FZD8: variants seen among roughly 807,000 people sequenced by gnomAD.
The protein encoded by FZD8 is frizzled class receptor 8.
FZD8 carries 18 observed loss-of-function variants against 46.0 expected under a neutral mutation model. That is an observed-to-expected ratio of 0.39 (90% CI 0.27 to 0.58). The LOEUF (loss-of-function observed/expected upper bound fraction) is 0.58. Ranked by LOEUF, FZD8 falls within the 20% of genes least tolerant of loss-of-function variation. FZD8 has a pLI of 0.55. For synonymous variants in FZD8, 586 were observed against 467.9 expected (o/e 1.25, Z -3.26); for missense variants, 785 against 983.4 (o/e 0.80, Z 2.70).
In FZD8 at chr10:35,641,714, GC is replaced by G. The variant is rs1835868058; in HGVS notation, c.-286del. On this transcript the variant is annotated 5_prime_UTR_variant, in exon 1 of 1. Coordinates refer to ENST00000374694, the MANE Select transcript of FZD8 (RefSeq NM_031866.3). The surrounding 1 kb of genome is among the most constrained non-coding windows in gnomAD (Gnocchi z 6.3). ...CACAGTCCGTAGGTCCGCTCTGCTG[GC>G]CCCGGGTCGCGCTCAGCCCTCGCGG... 2 of 310,838 alleles carry G rather than the reference GC, an allele frequency of 6.4e-6. No individual in the cohort carries two copies. Among genetic ancestry groups the G allele is most frequent in the East Asian group, 1.2e-4 (2 of 16,708 alleles). 19.3% of individuals were successfully genotyped at this position (310,838 alleles called of 1,614,324 possible). A position where few individuals can be genotyped will look rare whatever the true frequency, so the allele number is the denominator to read the frequency against.
In FZD8 at chr10:35,641,252, C is replaced by G. The variant is rs934368593; in HGVS notation, c.178G>C (p.Asp60His). The G allele has an allele frequency of 1.9e-6, 3 of 1,614,044 alleles. No individual in the cohort carries two copies. The highest frequency in any genetic ancestry group is 2.5e-6 in the Non-Finnish European group (3 of 1,179,954). The change falls in exon 1 of 1, where the codon GAC becomes CAC. Residue 60 changes from aspartate (D) to histidine (H), a missense_variant. By Grantham distance (81) the Asp-to-His change is moderately conservative (BLOSUM62 -1). This residue lies in a region of FZD8 where 354 missense variants were observed against 433.2 expected (regional missense o/e 0.82). Transcript: ENST00000374694. This position sits in a 1 kb window ranked among gnomAD's most constrained non-coding sequence, Gnocchi z 6.3. The part of the protein sequence containing the change: ...YTYMPNQFNH[D>H]TQDEAGLEVH... ...TCCAGGCCCGCCTCGTCTTGCGTGT[C>G]GTGGTTGAACTGATTGGGCATGTAG...
In FZD8 at chr10:35,639,600, C is replaced by T. The variant is rs767622906; in HGVS notation, c.1830G>A (p.Leu610=). 40 of 1,597,378 alleles carry T rather than the reference C, an allele frequency of 2.5e-5. No homozygotes were observed. The highest frequency in any genetic ancestry group is 3.3e-5 in the Non-Finnish European group (39 of 1,179,412). Residue 610 remains leucine (L), a synonymous_variant, in exon 1 of 1, where the codon CTG becomes CTA. Coordinates refer to ENST00000374694, the MANE Select transcript of FZD8 (RefSeq NM_031866.3). ...GGGTGCACAGGGAGCGCCAGGACTC[C>T]AGCGTCTTGCCGGACCAGACCCACA... is the stretch of plus-strand genomic sequence containing the variant. ...SGVWVWSGKT[L]ESWRSLCTRC...
rs773901621 is a variant in FZD8 at position 35,640,300 on chromosome 10, T to TCGTACTCGC, written c.1121_1129dup (p.Gly374_Tyr376dup). The TCGTACTCGC allele has an allele frequency of 6.6e-7, 1 of 1,508,488 alleles. No individual in the cohort carries two copies. 93.4% of individuals were successfully genotyped at this position (1,508,488 alleles called of 1,614,324 possible). A position where few individuals can be genotyped will look rare whatever the true frequency, so the allele number is the denominator to read the frequency against. ...GTGCTGCTCCACCGCGCCCAGCTCC[T>TCGTACTCGC]CGTACTCGCCGCGCCCGCCCGGGCC... On this transcript the variant is annotated inframe_insertion, in exon 1 of 1. Transcript: ENST00000374694.
In FZD8 at chr10:35,640,555, G is replaced by C; in HGVS notation, c.875C>G (p.Thr292Ser). 6.3e-7 allele frequency: 1 copy of C among 1,587,298 alleles called. No homozygotes were observed. The highest frequency in any genetic ancestry group is 8.6e-7 in the Non-Finnish European group (1 of 1,164,594). ...GLWSVLCFVS[T>S]FATVSTFLID... ...AAGGAAGGTGGAGACGGTGGCGAAGGTGGACACGAAGCAGAGCACCGACCA... is the reference window on the plus strand; with the variant it reads ...AAGGAAGGTGGAGACGGTGGCGAAGCTGGACACGAAGCAGAGCACCGACCA... Residue 292 changes from threonine (T) to serine (S), a missense_variant, in exon 1 of 1, where the codon ACC (threonine) becomes AGC (serine). Transcript: ENST00000374694.
rs1200750673 is a variant in FZD8, at chr10:35,638,425, A to G, written c.*920T>C. The G allele has an allele frequency of 1.3e-5, 2 of 152,616 alleles. No homozygotes were observed. Among genetic ancestry groups the G allele is most frequent in the Non-Finnish European group, 2.9e-5 (2 of 68,022 alleles). The allele number at this position is 152,616 out of a possible 1,614,324, so 9.5% of individuals were successfully genotyped here. A position where few individuals can be genotyped will look rare whatever the true frequency, so the allele number is the denominator to read the frequency against. ...GGGAAGGTGCAAAAACTCAATTTTG[A>G]TTTCAGTTCAACAATGATATTTACT... On this transcript the variant is annotated 3_prime_UTR_variant, in exon 1 of 1. Coordinates refer to ENST00000374694, the MANE Select transcript of FZD8 (RefSeq NM_031866.3).
chr10:35,639,966 C>A lies in FZD8; in HGVS notation c.1464G>T (p.Pro488=). ...TGCCGATGAAGAGGTAGATGACCAG[C>A]GGCGCCAGCACGAAGCCGCGCAGGT... ...LDNLRGFVLA[P]LVIYLFIGTM... The change falls in exon 1 of 1, where the codon CCG becomes CCT. Residue 488 remains proline (P), a synonymous_variant. Transcript: ENST00000374694. 1 of 1,612,902 alleles carries A rather than the reference C, an allele frequency of 6.2e-7. No individual in the cohort carries two copies. The highest frequency in any genetic ancestry group is 2.2e-5 in the East Asian group (1 of 44,836).
Position 35,639,183 on chromosome 10 carries a change from A to T in FZD8, c.*162T>A. On this transcript the variant is annotated 3_prime_UTR_variant, in exon 1 of 1. Transcript: ENST00000374694. Reference sequence around the variant, plus strand: ...CCAGGTACTTTGTTCTAAGTGAGTCATTTAAGTCCCAGCTAATGGATACCA... The same window carrying T: ...CCAGGTACTTTGTTCTAAGTGAGTCTTTTAAGTCCCAGCTAATGGATACCA... 4.3e-6 allele frequency: 1 copy of T among 233,266 alleles called. No homozygotes were observed. The highest frequency in any genetic ancestry group is 8.4e-6 in the Non-Finnish European group (1 of 118,348). 14.4% of individuals were successfully genotyped at this position (233,266 alleles called of 1,614,324 possible).
chr10:35,641,037 G>A lies in FZD8; in HGVS notation c.393C>T (p.Asp131=). The change falls in exon 1 of 1, where the codon GAC becomes GAT. Residue 131 remains aspartate, a synonymous_variant. Transcript: ENST00000374694. This position sits in a 1 kb window ranked among gnomAD's most constrained non-coding sequence, Gnocchi z 6.3. The part of the protein sequence containing the change: ...LMRQYGFAWP[D]RMRCDRLPEQ... The stretch of plus-strand genomic sequence containing the variant: ...CGGGCAGCCGGTCGCAGCGCATGCG[G>A]TCGGGCCAGGCGAAGCCGTACTGGC... 1 of 1,608,876 alleles carries A rather than the reference G, an allele frequency of 6.2e-7. No homozygotes were observed. Among genetic ancestry groups the A allele is most frequent in the African/African-American group, 1.3e-5 (1 of 74,982 alleles).
Position 35,640,788 on chromosome 10 carries a change from ACCGCCGCCG to A in FZD8, c.633_641del (p.Gly214_Gly216del). ...CGCCAGGGGGCCGCGCCTTCCCGCC[ACCGCCGCCG>A]CCGCGAGCTGGGGGCGCCGCCGCGT... On this transcript the variant is annotated inframe_deletion, in exon 1 of 1. Transcript: ENST00000374694. 5 of 1,121,490 alleles carry A rather than the reference ACCGCCGCCG, an allele frequency of 4.5e-6. No individual in the cohort carries two copies. Among genetic ancestry groups the A allele is most frequent in the Non-Finnish European group, 5.4e-6 (5 of 918,010 alleles). 69.5% of individuals were successfully genotyped at this position (1,121,490 alleles called of 1,614,324 possible). A position where few individuals can be genotyped will look rare whatever the true frequency, so the allele number is the denominator to read the frequency against.
In FZD8 at chr10:35,639,489, G is replaced by A. The variant is rs914687259; in HGVS notation, c.1941C>T (p.Gly647=). The A allele has an allele frequency of 4.6e-5, 43 of 943,108 alleles. No homozygotes were observed. Among genetic ancestry groups the A allele is most frequent in the Admixed American group, 6.4e-5 (1 of 15,512 alleles). 58.4% of individuals were successfully genotyped at this position (943,108 alleles called of 1,614,324 possible). A position where few individuals can be genotyped will look rare whatever the true frequency, so the allele number is the denominator to read the frequency against. Residue 647 remains glycine (G), a synonymous_variant, in exon 1 of 1, where the codon GGC becomes GGT. Coordinates refer to ENST00000374694, the MANE Select transcript of FZD8 (RefSeq NM_031866.3). ...AAGGGGGPGG[G]GGGGPGGGGG... is the part of the protein sequence containing the mutation. ...CGCCGCCGCCGGGTCCCCCGCCGCCGCCGCCCCCCGGCCCGCCGCCACCCC... is the reference window on the plus strand; with the variant it reads ...CGCCGCCGCCGGGTCCCCCGCCGCCACCGCCCCCCGGCCCGCCGCCACCCC...
At position 35,639,798 on chromosome 10, in the gene FZD8, G is replaced by T; in HGVS notation, c.1632C>A (p.Ala544=). 1 of 1,602,630 alleles carries T rather than the reference G, an allele frequency of 6.2e-7. No homozygotes were observed. The highest frequency in any genetic ancestry group is 1.1e-5 in the South Asian group (1 of 91,056). The change falls in exon 1 of 1, where the codon GCC becomes GCA. Residue 544 remains alanine (A), a synonymous_variant. Coordinates refer to ENST00000374694, the MANE Select transcript of FZD8 (RefSeq NM_031866.3). ...AGAAGAGGCAGGCGACCACCACCGC[G>T]GCGGGCACGGTGTAGAGCACGGTGA... is the stretch of plus-strand genomic sequence containing the variant. ...GLFTVLYTVP[A]AVVVACLFYE...
rs1302002303 is a variant in FZD8, at chr10:35,638,351, T to C, written c.*994A>G. The C allele has an allele frequency of 6.7e-6, 1 of 149,322 alleles. No homozygotes were observed. Among genetic ancestry groups the C allele is most frequent in the East Asian group, 1.9e-4 (1 of 5,328 alleles). The allele number at this position is 149,322 out of a possible 1,614,324, so 9.2% of individuals were successfully genotyped here. A position where few individuals can be genotyped will look rare whatever the true frequency, so the allele number is the denominator to read the frequency against. ...CCATTTACATCCACTAAAGTGAGAGTTGTTATCCATGGATCAGAAAAGAGC... is the reference window on the plus strand; with the variant it reads ...CCATTTACATCCACTAAAGTGAGAGCTGTTATCCATGGATCAGAAAAGAGC... On this transcript the variant is annotated 3_prime_UTR_variant, in exon 1 of 1. Coordinates refer to ENST00000374694, the MANE Select transcript of FZD8 (RefSeq NM_031866.3).
Position 35,639,342 on chromosome 10 carries a change from C to A in FZD8, c.*3G>T, listed in dbSNP as rs1197124257. The A allele has an allele frequency of 7.0e-7, 1 of 1,432,688 alleles. No homozygotes were observed. 88.7% of individuals were successfully genotyped at this position (1,432,688 alleles called of 1,614,324 possible). On this transcript the variant is annotated 3_prime_UTR_variant, in exon 1 of 1. Transcript: ENST00000374694. The stretch of plus-strand genomic sequence containing the variant: ...CCCCTCCTGGGCGCCCCCTCCCCTC[C>A]GCTCAGACCTGGGACAATGGCATCT...
Position 35,639,462 on chromosome 10 carries a change from C to G in FZD8, c.1968G>C (p.Gly656=), listed in dbSNP as rs1415962669. The change falls in exon 1 of 1, where the codon GGG becomes GGC. Residue 656 remains glycine, a synonymous_variant. Transcript: ENST00000374694. ...GGGAGCCCCCGCCGCCGCCCGGCCC[C>G]CCGCCGCCGCCGGGTCCCCCGCCGC... ...GGGGGGPGGG[G]GPGGGGGSLY... is the part of the protein sequence containing the mutation. 9.6e-7 allele frequency: 1 copy of G among 1,038,822 alleles called. No homozygotes were observed. The highest frequency in any genetic ancestry group is 1.2e-6 in the Non-Finnish European group (1 of 854,906). 64.4% of individuals were successfully genotyped at this position (1,038,822 alleles called of 1,614,324 possible).
chr10:35,642,156 C>A lies in FZD8; in HGVS notation c.-727G>T, dbSNP rs945899153. ...AGTCGGGCGAGGTGCACACAGTCTC[C>A]TTCCTGCTGGACACCCAGGAGCAAA... On this transcript the variant is annotated 5_prime_UTR_variant, in exon 1 of 1. In the 5' UTR this introduces an upstream ATG that the reference lacks. Transcript: ENST00000374694. 1 of 152,458 alleles carries A rather than the reference C, an allele frequency of 6.6e-6. No individual in the cohort carries two copies. The highest frequency in any genetic ancestry group is 2.4e-5 in the African/African-American group (1 of 41,452). 9.4% of individuals were successfully genotyped at this position (152,458 alleles called of 1,614,324 possible). A position where few individuals can be genotyped will look rare whatever the true frequency, so the allele number is the denominator to read the frequency against.
At position 35,641,560 on chromosome 10, in the gene FZD8, G is replaced by C. The variant is rs886807455; in HGVS notation, c.-131C>G. 1 of 1,231,976 alleles carries C rather than the reference G, an allele frequency of 8.1e-7. No individual in the cohort carries two copies. The highest frequency in any genetic ancestry group is 1.1e-6 in the Non-Finnish European group (1 of 914,328). 76.3% of individuals were successfully genotyped at this position (1,231,976 alleles called of 1,614,324 possible). ...GGTCTCCCTTATGCTTCGCCCGGGA[G>C]GGGGGTCTGCCGATAATCTAACCCC... is the stretch of plus-strand genomic sequence containing the variant. On this transcript the variant is annotated 5_prime_UTR_variant, in exon 1 of 1. Transcript: ENST00000374694. This position sits in a 1 kb window ranked among gnomAD's most constrained non-coding sequence, Gnocchi z 6.3.
chr10:35,639,304 GCCCCCCTCCCCA>G lies in FZD8; in HGVS notation c.*29_*40del. ...CCCTTCGCTGCACTTGGCTCTCCTC[GCCCCCCTCCCCA>G]CCCCTCCTGGGCGCCCCCTCCCCTC... On this transcript the variant is annotated 3_prime_UTR_variant, in exon 1 of 1. Transcript: ENST00000374694. The G allele has an allele frequency of 1.2e-6, 1 of 826,702 alleles. No individual in the cohort carries two copies. The highest frequency in any genetic ancestry group is 1.8e-6 in the Non-Finnish European group (1 of 565,360). The allele number at this position is 826,702 out of a possible 1,614,324, so 51.2% of individuals were successfully genotyped here. A position where few individuals can be genotyped will look rare whatever the true frequency, so the allele number is the denominator to read the frequency against.
rs1450567099 is a variant in FZD8, at chr10:35,641,188, G to A, written c.242C>T (p.Ser81Leu). ...QFWPLVEIQC[S>L]PDLKFFLCSM... Reference sequence around the variant, plus strand: ...GCACAGGAAGAACTTGAGATCGGGCGAGCACTGGATCTCCACCAGCGGCCA... The same window carrying A: ...GCACAGGAAGAACTTGAGATCGGGCAAGCACTGGATCTCCACCAGCGGCCA... The change falls in exon 1 of 1, where the codon TCG (serine) becomes TTG (leucine). Residue 81 changes from serine (S) to leucine (L), a missense_variant. This residue lies in a region of FZD8 where 354 missense variants were observed against 433.2 expected (regional missense o/e 0.82). Coordinates refer to ENST00000374694, the MANE Select transcript of FZD8 (RefSeq NM_031866.3). The surrounding 1 kb of genome is among the most constrained non-coding windows in gnomAD (Gnocchi z 6.3). 6.2e-7 allele frequency: 1 copy of A among 1,613,924 alleles called. No individual in the cohort carries two copies. Among genetic ancestry groups the A allele is most frequent in the South Asian group, 1.1e-5 (1 of 91,078 alleles).
In FZD8 at chr10:35,641,137, T is replaced by C; in HGVS notation, c.293A>G (p.Glu98Gly). 1 of 1,613,362 alleles carries C rather than the reference T, an allele frequency of 6.2e-7. No individual in the cohort carries two copies. The highest frequency in any genetic ancestry group is 8.5e-7 in the Non-Finnish European group (1 of 1,179,818). ...LCSMYTPICLEDYKKPLPPCR... is the reference protein window; with the variant it reads ...LCSMYTPICLGDYKKPLPPCR... ...GGGCGGCAGCGGCTTCTTGTAGTCC[T>C]CTAGGCAGATGGGCGTGTACATGCT... The change falls in exon 1 of 1, where the codon GAG (glutamate) becomes GGG (glycine). Residue 98 changes from glutamate (E) to glycine (G), a missense_variant. Physicochemically the swap from Glu to Gly is moderately conservative, Grantham distance 98. Around this residue, in one of 5 missense-constraint regions of FZD8, gnomAD observed 354 missense variants for 433.2 expected, o/e 0.82. Coordinates refer to ENST00000374694, the MANE Select transcript of FZD8 (RefSeq NM_031866.3). The surrounding 1 kb of genome is among the most constrained non-coding windows in gnomAD (Gnocchi z 6.3).
Sources: allele counts gnomAD v4.1 joint callset, GRCh38; gene constraint gnomAD v4.1.1; regional missense constraint gnomAD v4.1.1; non-coding constraint Gnocchi (gnomAD v3.1); transcripts MANE v1.5; gene names NCBI Gene and HGNC (gene_info 2026-07-23, HGNC 2026-07-21).